Variants in KCNH7 observed in about 807,000 individuals in gnomAD.
KCNH7 encodes the protein potassium voltage-gated channel subfamily H member 7.
Under a neutral mutation model 120.8 loss-of-function variants are expected in KCNH7, and 49 were observed. That is an observed-to-expected ratio of 0.41 (90% CI 0.32 to 0.51). KCNH7 has a LOEUF of 0.51. Among genes scored for constraint, KCNH7 ranks in the 20% least tolerant of loss-of-function variants. The pLI is 0.38. For missense variants in KCNH7, 1,097 were observed against 1,446.6 expected, an observed-to-expected ratio of 0.76 and a Z score of 3.92; for synonymous variants, 547 against 516.1, an observed-to-expected ratio of 1.06 and a Z score of -0.81.
intron 2 of KCNH7, among the ~76,000 whole-genome samples, chr2:162,743,329 A>G (rs1013818940): frequency 1.3e-5 from 2 of 152,214 alleles, no homozygotes; most frequent in Admixed American, 6.5e-5. Context: ...AGAAAGAGCA[A>G]TTTCTAAGTG....
chr2:162,802,207 T>C (rs983205442), intron 2 of KCNH7, among the ~76,000 whole-genome samples: 11 of 151,746 alleles, frequency 7.2e-5, no homozygotes, highest in African/African-American at 2.7e-4. Flanking sequence ...TCTAGTTTCT[T>C]TTCAAAGAAA....
chr2:162,452,343 G>T (rs531683040), intron 6 of KCNH7, among the ~76,000 whole-genome samples: 1 of 152,004 alleles, frequency 6.6e-6, no homozygotes, highest in East Asian at 1.9e-4. Context: ...TTTCCTGATT[G>T]AAAAAAAGAA....
intron 3 of KCNH7, among the ~76,000 whole-genome samples, chr2:162,520,365 G>A (rs901449521): frequency 1.8e-4 from 27 of 151,082 alleles, no homozygotes; most frequent in Non-Finnish European, 2.4e-4. Context: ...ATATTTCCAC[G>A]CTACTATACT....
intron 9 of KCNH7, among the ~76,000 whole-genome samples, chr2:162,417,794 A>G (rs1039148230): frequency 6.6e-6 from 1 of 152,188 alleles, no homozygotes; most frequent in Non-Finnish European, 1.5e-5. Flanking sequence ...TCACTTGTGC[A>G]AGATGAACAT....
At chr2:162,551,420 G>C (rs993463457) in intron 2 of KCNH7, among the ~76,000 whole-genome samples, 1 of 151,756 alleles carries the variant, frequency 6.6e-6, no homozygotes, top group Non-Finnish European at 1.5e-5. Flanking sequence ...TTGTGAAAGA[G>C]AATTGGAAAA....
chr2:162,525,019 G>A (rs1010524015), intron 3 of KCNH7, among the ~76,000 whole-genome samples: 2 of 151,436 alleles, frequency 1.3e-5, no homozygotes, highest in African/African-American at 4.8e-5. Context: ...TGTAGCCAGC[G>A]CAGGCCTGGT....
chr2:162,575,170 G>A (rs1693627771), intron 2 of KCNH7, among the ~76,000 whole-genome samples: 1 of 152,030 alleles, frequency 6.6e-6, no homozygotes, highest in Non-Finnish European at 1.5e-5. Flanking sequence ...ACCATGCATG[G>A]GAGGGTTGAG....
chr2:162,534,142 G>A (rs1692027988), intron 3 of KCNH7, among the ~76,000 whole-genome samples: 1 of 151,266 alleles, frequency 6.6e-6, no homozygotes, highest in South Asian at 2.1e-4. Context: ...CTAAATTCAT[G>A]GGGTATAGCT....
At chr2:162,701,102 A>G (rs568319055) in intron 2 of KCNH7, among the ~76,000 whole-genome samples, 1 of 152,302 alleles carries the variant, frequency 6.6e-6, no homozygotes, top group Non-Finnish European at 1.5e-5. Flanking sequence ...AGTACAGTCA[A>G]TGAATTGTTA....
At chr2:162,549,691 T>A (rs1012076284) in intron 2 of KCNH7, among the ~76,000 whole-genome samples, 3 of 152,216 alleles carry the variant, frequency 2.0e-5, no homozygotes, top group Non-Finnish European at 4.4e-5. Context: ...AAAGCTGACC[T>A]ATCATGTATT....
At chr2:162,766,208 G>A (rs305683) in intron 2 of KCNH7, among the ~76,000 whole-genome samples, 49,393 of 151,772 alleles carry the variant, frequency 0.33, 8,176 homozygotes, top group African/African-American at 0.35. Flanking sequence ...GTCAAAGGAA[G>A]GAAGGCTTGA....
At chr2:162,808,170 A>G (rs1684615115) in intron 2 of KCNH7, among the ~76,000 whole-genome samples, 1 of 152,236 alleles carries the variant, frequency 6.6e-6, no homozygotes, top group African/African-American at 2.4e-5. Flanking sequence ...TTACTTATGA[A>G]ACCTAATGCA....
intron 12 of KCNH7, among the ~76,000 whole-genome samples, chr2:162,392,702 A>C (rs1210179861): frequency 6.6e-6 from 1 of 151,994 alleles, no homozygotes; most frequent in Admixed American, 6.6e-5. Flanking sequence ...CCAGAAGTAC[A>C]ACTGGAGTAA....
rs1191035495 is a variant in KCNH7 at position 162,728,496 on chromosome 2, A to C, written c.307+108041T>G. ...AGAGCAGAAGTTTAAAACTTTGATG[A>C]GGCCAGGCGCGGTGGCTCATGCCTG... On this transcript the variant is annotated intron_variant, in intron 2 of 15. Transcript: ENST00000332142. 2.6e-5 allele frequency among the ~76,000 whole-genome samples: 4 copies of C among 152,160 alleles called. No individual in the cohort carries two copies. In the South Asian group the frequency reaches 8.3e-4, roughly 31 times the overall value.
At chr2:162,832,473 T>C (rs1437477788) in intron 2 of KCNH7, among the ~76,000 whole-genome samples, 1 of 152,156 alleles carries the variant, frequency 6.6e-6, no homozygotes, top group Non-Finnish European at 1.5e-5. Context: ...TTATTTTAAA[T>C]TTGGGGAATA....
At chr2:162,646,741 C>CA (rs957851841) in intron 2 of KCNH7, among the ~76,000 whole-genome samples, 7 of 151,182 alleles carry the variant, frequency 4.6e-5, no homozygotes, top group Non-Finnish European at 7.4e-5. Flanking sequence ...CAGATGACAG[C>CA]AAAAAAAGAA....
chr2:162,557,359 A>C (rs996675057), intron 2 of KCNH7, among the ~76,000 whole-genome samples: 1 of 152,238 alleles, frequency 6.6e-6, no homozygotes, highest in African/African-American at 2.4e-5. Flanking sequence ...AGAGGCAGGA[A>C]GCATAAGCTA....
chr2:162,611,461 G>A (rs915970410), intron 2 of KCNH7, among the ~76,000 whole-genome samples: 2 of 152,132 alleles, frequency 1.3e-5, no homozygotes, highest in African/African-American at 4.8e-5. Context: ...TTTTAAGGAA[G>A]AATTTTGAAT....
rs2105491105 is a variant in KCNH7, at chr2:162,423,496, A to C, written c.1994T>G (p.Ile665Ser). 1 of 1,614,052 alleles carries C rather than the reference A, an allele frequency of 6.2e-7. No homozygotes were observed. Among genetic ancestry groups the C allele is most frequent in the Admixed American group, 1.7e-5 (1 of 60,014 alleles). The change falls in exon 9 of 16, where the codon ATT (isoleucine) becomes AGT (serine). Residue 665 changes from isoleucine (I) to serine (S), a missense_variant. Coordinates refer to ENST00000332142, the MANE Select transcript of KCNH7 (RefSeq NM_033272.4). ...YASIFGNVSA[I>S]IQRLYSGTAR... ...AGTTCCCGAGTATAGTCTTTGGATA[A>C]TTGCAGATACATTCCCAAAAATGCT...
Sources: allele counts gnomAD v4.1 joint callset (sites outside exome capture counted in the v4.1 genomes callset), GRCh38; gene constraint gnomAD v4.1.1; transcripts MANE v1.5; gene names NCBI Gene and HGNC (gene_info 2026-07-23, HGNC 2026-07-21).